Variants in GPR149 observed in about 807,000 individuals in gnomAD.
GPR149 encodes the protein probable G protein-coupled receptor 149.
Under a neutral mutation model 50.2 loss-of-function variants are expected in GPR149, and 50 were observed. That is an observed-to-expected ratio of 1.00 (90% CI 0.79 to 1.26). The LOEUF (loss-of-function observed/expected upper bound fraction) is 1.26. GPR149 is among the 50% of genes most tolerant of loss of function. GPR149 has a pLI of 0.00. For synonymous variants in GPR149, 405 were observed against 358.2 expected (o/e 1.13, Z -1.48); for missense variants, 983 against 895.4 (o/e 1.10, Z -1.25).
chr3:154,423,863 T>A (rs997689128), intron 2 of GPR149, among the ~76,000 whole-genome samples: 2 of 151,672 alleles, frequency 1.3e-5, no homozygotes, highest in Non-Finnish European at 3.0e-5. Context: ...TTTATTATTA[T>A]TATACTTTAA....
intron 3 of GPR149, among the ~76,000 whole-genome samples, chr3:154,383,149 G>A (rs1480896226): frequency 1.3e-5 from 2 of 152,154 alleles, no homozygotes; most frequent in African/African-American, 2.4e-5. Context: ...TTTATATCCT[G>A]CTAAAACTCA....
chr3:154,348,514 T>A (rs1559970201), intron 3 of GPR149, among the ~76,000 whole-genome samples: 1 of 151,952 alleles, frequency 6.6e-6, no homozygotes, highest in Non-Finnish European at 1.5e-5. Context: ...ACAGGGAAAA[T>A]TACTATATAA....
At chr3:154,353,427 T>C in intron 3 of GPR149, 1 of 1,039,320 alleles carries the variant, frequency 9.6e-7, no homozygotes, top group Non-Finnish European at 1.5e-6. Flanking sequence ...ATCTTCAACT[T>C]GTTCATTAAA....
intron 3 of GPR149, among the ~76,000 whole-genome samples, chr3:154,376,891 TA>T (rs1163277275): frequency 6.6e-6 from 1 of 151,928 alleles, no homozygotes. Context: ...CTTTACATAA[TA>T]AAAAGATAAC....
intron 3 of GPR149, among the ~76,000 whole-genome samples, chr3:154,366,195 C>G (rs1379457419): frequency 6.6e-6 from 1 of 152,122 alleles, no homozygotes; most frequent in Admixed American, 6.5e-5. Flanking sequence ...GTCAGACACT[C>G]CTTGTTATAC....
In GPR149 at chr3:154,360,014, C is replaced by CG. The variant is rs1466872169; in HGVS notation, c.1624-21744_1624-21743insC. The stretch of plus-strand genomic sequence containing the variant: ...AACAAGGAAAGTGTCCAGTCTCATG[C>CG]AAAACTTCTAAGAGTGCTGGCCACC... On this transcript the variant is annotated intron_variant, in intron 3 of 3. Transcript: ENST00000389740. 4.5e-4 allele frequency among the ~76,000 whole-genome samples: 12 copies of CG among 26,500 alleles called. No individual in the cohort carries two copies. In the African/African-American group the frequency reaches 5.6e-3, roughly 12 times the overall value. 17.4% of individuals were successfully genotyped at this position (26,500 alleles called of 152,430 possible). A position where few individuals can be genotyped will look rare whatever the true frequency, so the allele number is the denominator to read the frequency against.
At chr3:154,361,289 G>C (rs974904098) in intron 3 of GPR149, among the ~76,000 whole-genome samples, 3 of 152,118 alleles carry the variant, frequency 2.0e-5, no homozygotes, top group African/African-American at 7.2e-5. Context: ...GCCTTCAGGG[G>C]AAATGAGTTC....
intron 3 of GPR149, among the ~76,000 whole-genome samples, chr3:154,381,547 G>T (rs1450163206): frequency 1.3e-5 from 2 of 152,014 alleles, no homozygotes; most frequent in African/African-American, 4.8e-5. Context: ...AAGTTTTTAG[G>T]ATTTAGTTTT....
intron 3 of GPR149, among the ~76,000 whole-genome samples, chr3:154,376,229 T>G (rs1714790029): frequency 6.6e-6 from 1 of 152,256 alleles, no homozygotes. Flanking sequence ...TGTTAATGAT[T>G]TAATTCAATC....
intron 1 of GPR149, 138 bp from the exon 2 acceptor site, chr3:154,427,846 G>A: frequency 2.4e-6 from 2 of 818,736 alleles, no homozygotes; most frequent in Non-Finnish European, 3.7e-6. Flanking sequence ...CTACGGAGCT[G>A]GCTCCCTGTC....
Position 154,379,367 on chromosome 3 carries a change from A to G in GPR149, c.1624-41096T>C, listed in dbSNP as rs147166095. The stretch of plus-strand genomic sequence containing the variant: ...ATGATGTCTTTTGGAGCACAAAGTT[A>G]TTTGTTTACTTTCTTTTATAAATTA... On this transcript the variant is annotated intron_variant, in intron 3 of 3. Coordinates refer to ENST00000389740, the MANE Select transcript of GPR149 (RefSeq NM_001038705.3). Among the ~76,000 whole-genome samples, 847 of 150,966 alleles carry G rather than the reference A, an allele frequency of 5.6e-3. 9 individuals are homozygous for G. The highest frequency in any genetic ancestry group is 0.019 in the African/African-American group (783 of 41,020).
intron 3 of GPR149, among the ~76,000 whole-genome samples, chr3:154,373,636 G>C (rs1714717995): frequency 1.3e-5 from 2 of 152,194 alleles, no homozygotes; most frequent in Non-Finnish European, 2.9e-5. Context: ...TTTAGGAACA[G>C]ACATGATTAG....
At chr3:154,353,419 C>T in intron 3 of GPR149, 1 of 1,064,788 alleles carries the variant, frequency 9.4e-7, no homozygotes, top group South Asian at 1.3e-5. Flanking sequence ...TGAATCACAT[C>T]TTCAACTTGT....
At chr3:154,400,372 T>G (rs1449059632) in intron 3 of GPR149, among the ~76,000 whole-genome samples, 1 of 152,200 alleles carries the variant, frequency 6.6e-6, no homozygotes, top group Admixed American at 6.5e-5. Flanking sequence ...ATTATATTAT[T>G]TGCCTTAAGT....
intron 3 of GPR149, among the ~76,000 whole-genome samples, chr3:154,394,482 C>T (rs1046870260): frequency 6.6e-6 from 1 of 151,916 alleles, no homozygotes; most frequent in Admixed American, 6.6e-5. Flanking sequence ...TTACTATTGG[C>T]AATGATTTCA....
chr3:154,388,826 C>T (rs913262427), intron 3 of GPR149, among the ~76,000 whole-genome samples: 3 of 151,470 alleles, frequency 2.0e-5, no homozygotes, highest in East Asian at 2.0e-4. Context: ...AAATTGACTA[C>T]TGTCAGAAGA....
At chr3:154,367,469 G>A (rs1169475035) in intron 3 of GPR149, among the ~76,000 whole-genome samples, 2 of 152,096 alleles carry the variant, frequency 1.3e-5, no homozygotes, top group Non-Finnish European at 2.9e-5. Context: ...CCTTTGCCAT[G>A]CCACTGCAAG....
At chr3:154,397,781 A>G (rs1481785258) in intron 3 of GPR149, among the ~76,000 whole-genome samples, 2 of 152,190 alleles carry the variant, frequency 1.3e-5, no homozygotes, top group Non-Finnish European at 2.9e-5. Context: ...TTTGAAAACT[A>G]TTGTGTAATT....
intron 3 of GPR149, among the ~76,000 whole-genome samples, chr3:154,371,324 C>G (rs116100678): frequency 4.6e-5 from 7 of 152,250 alleles, no homozygotes; most frequent in Non-Finnish European, 2.9e-5. Context: ...CTAAATGGCA[C>G]TCTGAAAGAA....
Sources: gnomAD v4.1 joint callset for allele counts (sites outside exome capture counted in the v4.1 genomes callset) on GRCh38, gnomAD v4.1.1 for gene constraint, MANE v1.5 for transcripts, NCBI Gene and HGNC (gene_info 2026-07-23, HGNC 2026-07-21) for gene names.